Variants in AGPAT5 observed in about 807,000 individuals in gnomAD.
AGPAT5 encodes 1-acylglycerol-3-phosphate O-acyltransferase 5.
In AGPAT5, 46 loss-of-function variants were observed where a neutral mutation model predicts 45.6. The ratio of observed to expected loss-of-function variants is 1.01; its 90% confidence interval spans 0.80 to 1.29. The LOEUF (loss-of-function observed/expected upper bound fraction) is 1.29, where lower values mean the gene tolerates loss of function less well. Ranked by LOEUF, AGPAT5 falls within the 50% of genes most tolerant of loss-of-function variation. AGPAT5 has a pLI of 0.00. For missense variants in AGPAT5, 673 were observed against 450.7 expected (o/e 1.49, Z -4.47); for synonymous variants, 272 against 167.0 (o/e 1.63, Z -4.85).
chr8:6,745,541 A>G (rs1211741060), intron 5 of AGPAT5, among the ~76,000 whole-genome samples: 1 of 152,212 alleles, frequency 6.6e-6, no homozygotes, highest in African/African-American at 2.4e-5. Context: ...CTTTATAACC[A>G]GGAAATAATT....
chr8:6,742,315 C>G (rs780712707), intron 5 of AGPAT5, among the ~76,000 whole-genome samples: 3 of 152,154 alleles, frequency 2.0e-5, no homozygotes, highest in African/African-American at 7.2e-5. Context: ...CTGTTAATGT[C>G]TTCAACAATG....
intron 6 of AGPAT5, 130 bp downstream of exon 6, chr8:6,747,958 C>G: frequency 1.0e-6 from 1 of 979,960 alleles, no homozygotes; most frequent in Non-Finnish European, 1.4e-6. Flanking sequence ...GTATATTTTT[C>G]AAGATGTTAT....
At chr8:6,722,333 T>A (rs1483023647) in intron 1 of AGPAT5, among the ~76,000 whole-genome samples, 2 of 152,198 alleles carry the variant, frequency 1.3e-5, no homozygotes, top group African/African-American at 4.8e-5. Flanking sequence ...CAAAGTAGCA[T>A]ATTTGGGTGT....
intron 1 of AGPAT5, among the ~76,000 whole-genome samples, chr8:6,713,280 A>G (rs1800214719): frequency 6.6e-6 from 1 of 152,094 alleles, no homozygotes; most frequent in African/African-American, 2.4e-5. Context: ...CCTAATAAAT[A>G]TTCTAATTAC....
At chr8:6,729,288 C>T (rs1587021586) in intron 2 of AGPAT5, among the ~76,000 whole-genome samples, 1 of 150,950 alleles carries the variant, frequency 6.6e-6, no homozygotes, top group Admixed American at 6.6e-5. Context: ...AAACTGTCCT[C>T]TTTGGCTAAA....
chr8:6,746,635 G>C (rs59698252), intron 5 of AGPAT5, among the ~76,000 whole-genome samples: 4,756 of 152,136 alleles, frequency 0.031, 231 homozygotes, highest in African/African-American at 0.11. Flanking sequence ...CCCTGCCCTG[G>C]GGACTAAAGT....
chr8:6,751,779 T>A (rs925672242), intron 6 of AGPAT5, among the ~76,000 whole-genome samples: 1 of 152,236 alleles, frequency 6.6e-6, no homozygotes, highest in African/African-American at 2.4e-5. Context: ...AAGGACAACC[T>A]TTGGTATTCT....
At chr8:6,750,710 A>G (rs1486786344) in intron 6 of AGPAT5, among the ~76,000 whole-genome samples, 1 of 125,666 alleles carries the variant, frequency 8.0e-6, no homozygotes, top group Non-Finnish European at 1.6e-5. Flanking sequence ...GCAAATGAAA[A>G]CTACAGGGGA....
chr8:6,736,874 G>A (rs1477262962), intron 4 of AGPAT5, among the ~76,000 whole-genome samples: 5 of 152,212 alleles, frequency 3.3e-5, no homozygotes, highest in Non-Finnish European at 7.3e-5. Flanking sequence ...CTATTAGAAG[G>A]TCCATGGGTT....
At chr8:6,754,693 C>T (rs1168338302) in intron 6 of AGPAT5, among the ~76,000 whole-genome samples, 4 of 152,044 alleles carry the variant, frequency 2.6e-5, no homozygotes, top group African/African-American at 7.3e-5. Context: ...ATTTGCGGGT[C>T]CCTTCAGAGA....
intron 6 of AGPAT5, among the ~76,000 whole-genome samples, chr8:6,750,565 A>G (rs1801625466): frequency 6.6e-6 from 1 of 152,262 alleles, no homozygotes; most frequent in African/African-American, 2.4e-5. Flanking sequence ...CCTAGATCAT[A>G]GAAAAGGGGT....
intron 4 of AGPAT5, among the ~76,000 whole-genome samples, chr8:6,739,183 T>A (rs1378498773): frequency 1.3e-5 from 2 of 152,172 alleles, no homozygotes; most frequent in Admixed American, 1.3e-4. Context: ...CCATACTGTC[T>A]TAATAATGCT....
chr8:6,710,595 T>G (rs1207006013), intron 1 of AGPAT5, among the ~76,000 whole-genome samples: 1 of 152,234 alleles, frequency 6.6e-6, no homozygotes, highest in Non-Finnish European at 1.5e-5. Context: ...GCATTTTTAT[T>G]TTTATTGTAT....
At chr8:6,738,096 T>C (rs574202900) in intron 4 of AGPAT5, among the ~76,000 whole-genome samples, 1 of 152,352 alleles carries the variant, frequency 6.6e-6, no homozygotes, top group South Asian at 2.1e-4. Flanking sequence ...AGTAGCACTT[T>C]TAATTCTCTT....
intron 6 of AGPAT5, among the ~76,000 whole-genome samples, chr8:6,753,239 G>T (rs972720247): frequency 2.6e-5 from 4 of 152,220 alleles, no homozygotes; most frequent in African/African-American, 4.8e-5. Flanking sequence ...CACGTCCTGA[G>T]CACTGTACTC....
chr8:6,712,816 A>C (rs892363908), intron 1 of AGPAT5, among the ~76,000 whole-genome samples: 1 of 152,230 alleles, frequency 6.6e-6, no homozygotes, highest in African/African-American at 2.4e-5. Flanking sequence ...AATAATGACA[A>C]ATCTTTTTAG....
At chr8:6,724,497 TTA>T (rs1279455934) in intron 1 of AGPAT5, among the ~76,000 whole-genome samples, 1 of 152,240 alleles carries the variant, frequency 6.6e-6, no homozygotes, top group African/African-American at 2.4e-5. Context: ...AGTATTTGCG[TTA>T]TGTCTCATTA....
intron 1 of AGPAT5, among the ~76,000 whole-genome samples, chr8:6,716,983 A>G (rs28604439): frequency 1.3e-5 from 2 of 152,324 alleles, no homozygotes; most frequent in African/African-American, 4.8e-5. Flanking sequence ...GTTTTGCTCT[A>G]ACAGGGTACC....
chr8:6,743,331 T>G (rs932957730), intron 5 of AGPAT5, among the ~76,000 whole-genome samples: 2 of 152,206 alleles, frequency 1.3e-5, no homozygotes, highest in Non-Finnish European at 2.9e-5. Flanking sequence ...CCCCTCCATG[T>G]CTCTCTGCCT....
Sources: allele counts gnomAD v4.1 joint callset (sites outside exome capture counted in the v4.1 genomes callset), GRCh38; gene constraint gnomAD v4.1.1; transcripts MANE v1.5; gene names NCBI Gene and HGNC (gene_info 2026-07-23, HGNC 2026-07-21).